Variants in NUDT3 observed in about 807,000 individuals in gnomAD.
NUDT3 encodes nudix hydrolase 3.
Under a neutral mutation model 23.6 loss-of-function variants are expected in NUDT3, and 9 were observed. The ratio of observed to expected loss-of-function variants is 0.38; its 90% CI spans 0.23 to 0.66. NUDT3 has a LOEUF of 0.66. NUDT3 is among the 30% of genes least tolerant of loss of function. The probability of loss-of-function intolerance (pLI) is 0.52; values close to 1 mark genes in which losing one functional copy is unlikely to be tolerated. For missense variants in NUDT3, 172 were observed against 218.5 expected, an observed-to-expected ratio of 0.79 and a Z score of 1.34; for synonymous variants, 86 against 82.6, an observed-to-expected ratio of 1.04 and a Z score of -0.22.
chr6:34,347,617 A>C (rs1380648211), intron 1 of NUDT3, among the ~76,000 whole-genome samples: 1 of 152,206 alleles, frequency 6.6e-6, no homozygotes, highest in Non-Finnish European at 1.5e-5. Context: ...GATAAACCTA[A>C]TGAAGGGAGG....
Position 34,288,579 on chromosome 6 carries a change from A to G in NUDT3, c.*174T>C, listed in dbSNP as rs1024651585. On this transcript the variant is annotated 3_prime_UTR_variant, in exon 5 of 5. Coordinates refer to ENST00000607016, the MANE Select transcript of NUDT3 (RefSeq NM_006703.4). The stretch of plus-strand genomic sequence containing the variant: ...CACCCTCAATAAAAACAGAAGAAAA[A>G]GCCCCATCACTTAACACCAAACAGC... The G allele has an allele frequency of 2.4e-6, 2 of 845,246 alleles. No homozygotes were observed. Among genetic ancestry groups the G allele is most frequent in the Non-Finnish European group, 3.5e-6 (2 of 577,708 alleles). 52.4% of individuals were successfully genotyped at this position (845,246 alleles called of 1,614,324 possible).
chr6:34,314,674 C>T (rs907126236), intron 2 of NUDT3, among the ~76,000 whole-genome samples: 10 of 151,874 alleles, frequency 6.6e-5, no homozygotes, highest in South Asian at 4.1e-4. Flanking sequence ...CTCCTAACAA[C>T]GGTAATAGGG....
At chr6:34,309,060 G>A (rs1358184227) in intron 2 of NUDT3, among the ~76,000 whole-genome samples, 16 of 152,114 alleles carry the variant, frequency 1.1e-4, no homozygotes, top group Admixed American at 1.0e-3. Flanking sequence ...TAAAATGTAT[G>A]CTCTCAGACC....
At chr6:34,369,691 A>C (rs1764797221) in intron 1 of NUDT3, among the ~76,000 whole-genome samples, 1 of 152,250 alleles carries the variant, frequency 6.6e-6, no homozygotes, top group Admixed American at 6.5e-5. Flanking sequence ...AAAGTCATTT[A>C]CCATGTCACT....
intron 1 of NUDT3, among the ~76,000 whole-genome samples, chr6:34,379,821 C>G (rs1435165799): frequency 6.6e-6 from 1 of 151,748 alleles, no homozygotes; most frequent in African/African-American, 2.4e-5. Context: ...TCGAGATCAG[C>G]CTGGCCAACA....
chr6:34,297,750 TATATATATA>T (rs1381157278), intron 2 of NUDT3, among the ~76,000 whole-genome samples: 3 of 101,916 alleles, frequency 2.9e-5, no homozygotes, highest in African/African-American at 1.4e-4. Flanking sequence ...TATATATATA[TATATATATA>T]ATTTTTTTTT....
intron 1 of NUDT3, among the ~76,000 whole-genome samples, chr6:34,357,944 T>C (rs1309349721): frequency 6.6e-6 from 1 of 152,218 alleles, no homozygotes. Context: ...TTAATGTTTG[T>C]ACTTCCCATC....
At chr6:34,326,025 C>A (rs1192063962) in intron 2 of NUDT3, among the ~76,000 whole-genome samples, 1 of 151,002 alleles carries the variant, frequency 6.6e-6, no homozygotes, top group East Asian at 1.9e-4. Flanking sequence ...TATTTTAGTT[C>A]TGATTTTAAA....
intron 2 of NUDT3, among the ~76,000 whole-genome samples, chr6:34,322,433 G>T (rs923323418): frequency 1.3e-5 from 2 of 151,432 alleles, no homozygotes; most frequent in African/African-American, 2.4e-5. Flanking sequence ...GTTTCACTGT[G>T]TTAGCCAGGA....
intron 1 of NUDT3, among the ~76,000 whole-genome samples, chr6:34,356,504 A>C (rs1208869220): frequency 6.6e-6 from 1 of 152,230 alleles, no homozygotes; most frequent in Non-Finnish European, 1.5e-5. Flanking sequence ...CTGTATCAAA[A>C]GGATTCAGGA....
chr6:34,382,056 G>C (rs1765027557), intron 1 of NUDT3, among the ~76,000 whole-genome samples: 1 of 119,882 alleles, frequency 8.3e-6, no homozygotes, highest in African/African-American at 3.3e-5. Context: ...CTGAGCGACA[G>C]AGCGAGACTC....
rs577581850 is a variant in NUDT3 at position 34,282,148 on chromosome 6, G to A, written c.*6605C>T. The A allele has an allele frequency of 4.6e-5, 7 of 152,128 alleles. No individual in the cohort carries two copies. The highest frequency in any genetic ancestry group is 1.0e-4 in the Non-Finnish European group (7 of 68,036). 9.4% of individuals were successfully genotyped at this position (152,128 alleles called of 1,614,324 possible). On this transcript the variant is annotated 3_prime_UTR_variant, in exon 5 of 5. Transcript: ENST00000607016. ...AAAGCTAGATATCCCTTGGACCACT[G>A]ATTAGTGACACATTTTCTCCACAAC... is the stretch of plus-strand genomic sequence containing the variant.
rs753571200 is a variant in NUDT3 at position 34,319,580 on chromosome 6, A to C, written c.210+22282T>G. On this transcript the variant is annotated intron_variant, in intron 2 of 4. Coordinates refer to ENST00000607016, the MANE Select transcript of NUDT3 (RefSeq NM_006703.4). ...GTTCAGTTACCCAGAAGCTCCCTGA[A>C]CTCTGTCCTCTTAGGCCTTTTATGG... 5.9e-5 allele frequency among the ~76,000 whole-genome samples: 9 copies of C among 152,182 alleles called. No homozygotes were observed. In the South Asian group the frequency reaches 8.3e-4, roughly 14 times the overall value.
chr6:34,308,036 G>A (rs763632553), intron 2 of NUDT3, among the ~76,000 whole-genome samples: 5 of 147,036 alleles, frequency 3.4e-5, no homozygotes, highest in African/African-American at 5.0e-5. Flanking sequence ...CAGGAGTATC[G>A]CTTGAACCTA....
chr6:34,310,994 A>G (rs1403600455), intron 2 of NUDT3, among the ~76,000 whole-genome samples: 3 of 151,720 alleles, frequency 2.0e-5, no homozygotes, highest in African/African-American at 7.3e-5. Flanking sequence ...ACAGAAGGAA[A>G]AAAAAAAAAA....
Position 34,288,715 on chromosome 6 carries a change from A to T in NUDT3, c.*38T>A. The T allele has an allele frequency of 6.3e-7, 1 of 1,587,246 alleles. No homozygotes were observed. Among genetic ancestry groups the T allele is most frequent in the Non-Finnish European group, 8.6e-7 (1 of 1,168,414 alleles). ...AGAGGGAAGATTTGCACTTCAGTCT[A>T]GTTTCCAATTTCCATTTCTCTTACA... On this transcript the variant is annotated 3_prime_UTR_variant, in exon 5 of 5. Transcript: ENST00000607016.
chr6:34,323,936 C>T (rs908230688), intron 2 of NUDT3, among the ~76,000 whole-genome samples: 4 of 152,076 alleles, frequency 2.6e-5, no homozygotes, highest in Non-Finnish European at 4.4e-5. Context: ...ACTAGGAACA[C>T]GTATTATTTT....
intron 2 of NUDT3, among the ~76,000 whole-genome samples, chr6:34,309,711 G>A (rs1182884604): frequency 6.6e-6 from 1 of 151,480 alleles, no homozygotes; most frequent in African/African-American, 2.4e-5. Flanking sequence ...CGCTAATTAA[G>A]AAAAAAAGAA....
intron 2 of NUDT3, among the ~76,000 whole-genome samples, chr6:34,302,375 A>G (rs1171637373): frequency 6.6e-6 from 1 of 152,170 alleles, no homozygotes; most frequent in Admixed American, 6.5e-5. Flanking sequence ...TTTGCTGAGC[A>G]TATTTTATTA....
Sources: gnomAD v4.1 joint callset for allele counts (sites outside exome capture counted in the v4.1 genomes callset) on GRCh38, gnomAD v4.1.1 for gene constraint, MANE v1.5 for transcripts, NCBI Gene and HGNC (gene_info 2026-07-23, HGNC 2026-07-21) for gene names.